Variants in NREP observed in about 807,000 individuals in gnomAD.
NREP encodes neuronal regeneration related protein.
A neutral mutation model predicts 8.6 loss-of-function variants in NREP; 5 were observed. The observed-to-expected ratio is 0.58, with a 90% CI of 0.30 to 1.22. The LOEUF is 1.22. NREP is among the 50% of genes most tolerant of loss of function. The pLI is 0.07. For missense variants in NREP, 86 were observed against 82.5 expected (o/e 1.04, Z -0.17); for synonymous variants, 27 against 28.0 (o/e 0.96, Z 0.11).
At chr5:111,931,530 A>G (rs758442746) in intron 2 of NREP, among the ~76,000 whole-genome samples, 4 of 152,144 alleles carry the variant, frequency 2.6e-5, no homozygotes, top group South Asian at 2.1e-4. Flanking sequence ...GTCTCTGCCT[A>G]CATTCTGACT....
intron 2 of NREP, among the ~76,000 whole-genome samples, chr5:111,765,353 C>G (rs1751056194): frequency 6.6e-6 from 1 of 152,152 alleles, no homozygotes; most frequent in Non-Finnish European, 1.5e-5. Flanking sequence ...AGCCATAGAC[C>G]AGTACCAGTC....
At chr5:111,912,507 A>T (rs1049048748) in intron 2 of NREP, 1 of 152,036 alleles carries the variant, frequency 6.6e-6, no homozygotes, top group Non-Finnish European at 1.5e-5. Context: ...CTTTACTTCA[A>T]CTTTCCTAAA....
At chr5:111,886,228 C>T (rs1321875382) in intron 2 of NREP, among the ~76,000 whole-genome samples, 4 of 152,318 alleles carry the variant, frequency 2.6e-5, no homozygotes, top group South Asian at 2.1e-4. Flanking sequence ...AAAATGCTCA[C>T]CATCACTGGC....
chr5:111,902,600 T>A (rs1754673106), intron 2 of NREP, among the ~76,000 whole-genome samples: 1 of 152,118 alleles, frequency 6.6e-6, no homozygotes, highest in South Asian at 2.1e-4. Context: ...GACAACAGAT[T>A]TGGGGAATGC....
intron 2 of NREP, among the ~76,000 whole-genome samples, chr5:111,949,153 G>A (rs1756081033): frequency 6.6e-6 from 1 of 151,974 alleles, no homozygotes; most frequent in South Asian, 2.1e-4. Flanking sequence ...TAATCCTGCT[G>A]GCCAACCAAG....
intron 2 of NREP, among the ~76,000 whole-genome samples, chr5:111,870,229 A>G (rs1351973918): frequency 6.6e-6 from 1 of 152,204 alleles, no homozygotes; most frequent in Non-Finnish European, 1.5e-5. Context: ...CAGGAGTTTG[A>G]GACCAGCCTG....
At chr5:111,912,666 T>C (rs1347473912) in intron 2 of NREP, 1 of 152,102 alleles carries the variant, frequency 6.6e-6, no homozygotes, top group Non-Finnish European at 1.5e-5. Context: ...GAAGACAGGA[T>C]CAAGATATCT....
chr5:111,790,548 C>G (rs1256640465), intron 2 of NREP, among the ~76,000 whole-genome samples: 1 of 151,846 alleles, frequency 6.6e-6, no homozygotes, highest in East Asian at 1.9e-4. Flanking sequence ...TCACTTGAGT[C>G]CAGGACTTCA....
intron 2 of NREP, among the ~76,000 whole-genome samples, chr5:111,935,708 T>A (rs1755664131): frequency 6.6e-6 from 1 of 152,068 alleles, no homozygotes; most frequent in Non-Finnish European, 1.5e-5. Context: ...AATTGTAACG[T>A]CCACTCCTCT....
intron 2 of NREP, among the ~76,000 whole-genome samples, chr5:111,795,201 A>C (rs1280492225): frequency 1.3e-5 from 2 of 152,200 alleles, no homozygotes; most frequent in Non-Finnish European, 2.9e-5. Context: ...GGGGAAGCAA[A>C]GATGGATCAT....
chr5:111,731,977 A>G (rs1431257249), intron 3 of NREP: 1 of 152,250 alleles, frequency 6.6e-6, no homozygotes, highest in Non-Finnish European at 1.5e-5. Flanking sequence ...CTGTACAGGT[A>G]TGAACACAGT....
In NREP at chr5:111,882,513, G is replaced by A. The variant is rs12513992; in HGVS notation, c.135+92761C>T. On this transcript the variant is annotated intron_variant, in intron 2 of 3. Coordinates refer to the NREP transcript ENST00000395634. ...AGATACTCCTCAAGAAGAGCAACTC[G>A]AAGACACATAATTGTCAGATTCACC... Among the ~76,000 whole-genome samples the A allele has an allele frequency of 2.0e-5, 3 of 151,964 alleles. No homozygotes were observed. In the South Asian group the frequency reaches 6.2e-4, roughly 32 times the overall value.
chr5:111,945,165 TATC>T (rs1755941279), intron 2 of NREP, among the ~76,000 whole-genome samples: 1 of 152,148 alleles, frequency 6.6e-6, no homozygotes, highest in South Asian at 2.1e-4. Context: ...TCCTAACTCT[TATC>T]ATGCTATTTC....
At chr5:111,965,591 C>A (rs1175072168) in intron 2 of NREP, among the ~76,000 whole-genome samples, 1 of 152,170 alleles carries the variant, frequency 6.6e-6, no homozygotes, top group Non-Finnish European at 1.5e-5. Context: ...ATATCCCACC[C>A]ATCTCCCCTA....
chr5:111,914,802 T>G (rs1755008606), intron 2 of NREP, among the ~76,000 whole-genome samples: 1 of 152,114 alleles, frequency 6.6e-6, no homozygotes, highest in Non-Finnish European at 1.5e-5. Flanking sequence ...AATACACTTT[T>G]AAGGTTGAAC....
intron 2 of NREP, among the ~76,000 whole-genome samples, chr5:111,964,906 A>G (rs947325472): frequency 6.9e-6 from 1 of 145,068 alleles, no homozygotes; most frequent in Non-Finnish European, 1.5e-5. Context: ...GAAACCATGT[A>G]ATTCTAACTT....
chr5:111,949,875 T>A (rs768740868), intron 2 of NREP, among the ~76,000 whole-genome samples: 4 of 152,120 alleles, frequency 2.6e-5, no homozygotes, highest in Non-Finnish European at 5.9e-5. Context: ...TTCTAAATAG[T>A]GCTGAAATAA....
Position 111,730,278 on chromosome 5 carries a change from T to C in NREP, c.*643A>G, listed in dbSNP as rs1475207069. The stretch of plus-strand genomic sequence containing the variant: ...GAGAACAACATTCAGGGAAACAGAG[T>C]ACCAACACCTTCTTAGAACATGGAA... On this transcript the variant is annotated 3_prime_UTR_variant, in exon 4 of 4. Transcript: ENST00000257435. The C allele has an allele frequency of 6.6e-6, 1 of 152,156 alleles. No individual in the cohort carries two copies. The highest frequency in any genetic ancestry group is 1.9e-4 in the East Asian group (1 of 5,162). The allele number at this position is 152,156 out of a possible 1,614,324, so 9.4% of individuals were successfully genotyped here. A position where few individuals can be genotyped will look rare whatever the true frequency, so the allele number is the denominator to read the frequency against.
intron 2 of NREP, among the ~76,000 whole-genome samples, chr5:111,911,431 G>A (rs967903234): frequency 2.0e-5 from 3 of 151,880 alleles, no homozygotes; most frequent in African/African-American, 4.8e-5. Context: ...AAAGTATCTA[G>A]CCCATTAATT....
Sources: gnomAD v4.1 joint callset for allele counts (sites outside exome capture counted in the v4.1 genomes callset) on GRCh38, gnomAD v4.1.1 for gene constraint, MANE v1.5 for transcripts, NCBI Gene and HGNC (gene_info 2026-07-23, HGNC 2026-07-21) for gene names.